The following DNAH11 variants were observed in gnomAD, a reference collection of about 807,000 sequenced individuals.
DNAH11 encodes the protein axonemal beta dynein heavy chain 11.
In DNAH11, 442 loss-of-function variants were observed where a neutral mutation model predicts 526.0. The observed-to-expected ratio is 0.84, with a 90% confidence interval of 0.78 to 0.91. The LOEUF is 0.91. Ranked by LOEUF, DNAH11 falls within the 40% of genes least tolerant of loss-of-function variation. DNAH11 has a pLI of 0.00. For missense variants in DNAH11, 6,989 were observed against 5,448.7 expected, an observed-to-expected ratio of 1.28 and a Z score of -8.90; for synonymous variants, 2,461 against 1,935.9, an observed-to-expected ratio of 1.27 and a Z score of -7.12.
chr7:21,727,212 C>T (rs2906666), intron 45 of DNAH11, among the ~76,000 whole-genome samples: 90,846 of 151,638 alleles, frequency 0.6, 27,326 homozygotes, highest in South Asian at 0.71. Flanking sequence ...GGATTACAGG[C>T]GTGAGCCACC....
chr7:21,623,516 G>T (rs1027592193), intron 25 of DNAH11, among the ~76,000 whole-genome samples: 11 of 152,084 alleles, frequency 7.2e-5, no homozygotes, highest in African/African-American at 2.4e-4. Flanking sequence ...ACATGCACAC[G>T]TATGTTTATT....
intron 45 of DNAH11, among the ~76,000 whole-genome samples, chr7:21,732,532 C>A (rs1785426207): frequency 6.6e-6 from 1 of 152,160 alleles, no homozygotes; most frequent in South Asian, 2.1e-4. Flanking sequence ...ATCTGCAGCA[C>A]CCCTATTCCC....
At chr7:21,775,865 G>A (rs188632318) in intron 56 of DNAH11, among the ~76,000 whole-genome samples, 2 of 152,250 alleles carry the variant, frequency 1.3e-5, no homozygotes, top group African/African-American at 4.8e-5. Flanking sequence ...TGAACCTGTT[G>A]ACTTTGCCCA....
intron 54 of DNAH11, among the ~76,000 whole-genome samples, chr7:21,756,754 A>G (rs1456208484): frequency 2.6e-5 from 4 of 152,102 alleles, no homozygotes; most frequent in Non-Finnish European, 5.9e-5. Context: ...CTGAACTTTA[A>G]AATCACTTTG....
chr7:21,889,207 A>AT (rs1784242673), intron 76 of DNAH11, among the ~76,000 whole-genome samples: 1 of 152,246 alleles, frequency 6.6e-6, no homozygotes, highest in African/African-American at 2.4e-5. Context: ...AGCTTCAGCC[A>AT]TGCTGTAGCA....
At chr7:21,762,709 A>G (rs1340262830) in intron 54 of DNAH11, among the ~76,000 whole-genome samples, 2 of 152,222 alleles carry the variant, frequency 1.3e-5, no homozygotes, top group Non-Finnish European at 2.9e-5. Flanking sequence ...ACCACATGCA[A>G]AAAAATGAAA....
intron 39 of DNAH11, among the ~76,000 whole-genome samples, chr7:21,706,939 T>C (rs1015295572): frequency 2.0e-5 from 3 of 152,202 alleles, no homozygotes; most frequent in African/African-American, 7.2e-5. Context: ...ACCTGTTCTG[T>C]GAGTTCTCAT....
chr7:21,873,466 G>T lies in DNAH11; in HGVS notation c.12160G>T (p.Ala4054Ser). Residue 4054 changes from alanine to serine, a missense_variant, in exon 74 of 82, where the codon GCC (alanine) becomes TCC (serine). Coordinates refer to ENST00000409508, the MANE Select transcript of DNAH11 (RefSeq NM_001277115.2). ...TAATGAACCCCCAACAGGGATGCTG[G>T]CCAATTTGCATGCCGCCCTGTACAA... ...ITNEPPTGML[A>S]NLHAALYNFD... 6.2e-7 allele frequency: 1 copy of T among 1,613,928 alleles called. No homozygotes were observed. Among genetic ancestry groups the T allele is most frequent in the South Asian group, 1.1e-5 (1 of 91,062 alleles).
chr7:21,555,931 C>T (rs1281517832), intron 2 of DNAH11, among the ~76,000 whole-genome samples: 2 of 152,184 alleles, frequency 1.3e-5, no homozygotes, highest in Admixed American at 6.5e-5. Flanking sequence ...AAAGAATGGA[C>T]TTGGAGACAT....
chr7:21,734,484 A>C (rs1482726564), intron 45 of DNAH11, among the ~76,000 whole-genome samples: 1 of 152,228 alleles, frequency 6.6e-6, no homozygotes, highest in Non-Finnish European at 1.5e-5. Flanking sequence ...GTCTTTTAGT[A>C]AGCCCTGAGT....
At chr7:21,749,163 A>G (rs1206351546) in intron 52 of DNAH11, among the ~76,000 whole-genome samples, 1 of 152,248 alleles carries the variant, frequency 6.6e-6, no homozygotes, top group Non-Finnish European at 1.5e-5. Context: ...TGCAAGAGGA[A>G]TAACACGTTT....
chr7:21,786,412 G>C (rs912935986), intron 58 of DNAH11, among the ~76,000 whole-genome samples: 12 of 152,066 alleles, frequency 7.9e-5, no homozygotes, highest in African/African-American at 2.9e-4. Context: ...AAAGGGCAGT[G>C]ATGTCTCCAG....
chr7:21,737,476 A>C (rs369534428), intron 46 of DNAH11, among the ~76,000 whole-genome samples: 1 of 152,322 alleles, frequency 6.6e-6, no homozygotes. Context: ...TTGATGGAAA[A>C]TGGTGAACCA....
In DNAH11 at chr7:21,581,952, T is replaced by A; in HGVS notation, c.1641T>A (p.Phe547Leu). The part of the protein sequence containing the change: ...YVAFKSKTLE[F>L]DRRLGTIICE... ...CATTTAAGTCCAAAACTCTGGAATTTGACAGAAGGCTTGGGACAATTATTT... is the reference window on the plus strand; with the variant it reads ...CATTTAAGTCCAAAACTCTGGAATTAGACAGAAGGCTTGGGACAATTATTT... Residue 547 changes from phenylalanine (F) to leucine (L), a missense_variant, in exon 9 of 82, where the codon TTT becomes TTA. By Grantham distance (22) the Phe-to-Leu change is conservative. Coordinates refer to ENST00000409508, the MANE Select transcript of DNAH11 (RefSeq NM_001277115.2). The A allele has an allele frequency of 6.2e-7, 1 of 1,613,250 alleles. No homozygotes were observed. The highest frequency in any genetic ancestry group is 1.3e-5 in the African/African-American group (1 of 75,034).
At chr7:21,797,408 G>A (rs145191176) in intron 61 of DNAH11, among the ~76,000 whole-genome samples, 2,005 of 151,500 alleles carry the variant, frequency 0.013, 51 homozygotes, top group African/African-American at 0.046. Context: ...TAGTAGAGAC[G>A]GGGTTTCTCT....
intron 1 of DNAH11, among the ~76,000 whole-genome samples, chr7:21,544,203 C>A (rs1380812232): frequency 6.6e-6 from 1 of 152,182 alleles, no homozygotes; most frequent in Non-Finnish European, 1.5e-5. Flanking sequence ...TAACGTATCA[C>A]CTAACGTACA....
In DNAH11 at chr7:21,899,394, C is replaced by A. The variant is rs746738432; in HGVS notation, c.13108C>A (p.Leu4370Ile). The A allele has an allele frequency of 4.3e-6, 7 of 1,614,016 alleles. No individual in the cohort carries two copies. Among genetic ancestry groups the A allele is most frequent in the Non-Finnish European group, 5.9e-6 (7 of 1,179,870 alleles). ...ELDTWTQDLT[L>I]PAVVWLSGFF... is the part of the protein sequence containing the mutation. Reference sequence around the variant, plus strand: ...CGATACTTGGACACAAGACCTTACCCTTCCGGCTGTCGTGTGGCTCTCCGG... The same window carrying A: ...CGATACTTGGACACAAGACCTTACCATTCCGGCTGTCGTGTGGCTCTCCGG... Residue 4370 changes from leucine (L) to isoleucine (I), a missense_variant, in exon 80 of 82, where the codon CTT becomes ATT. Leu to Ile is a conservative substitution (Grantham distance 5, BLOSUM62 2). Coordinates refer to ENST00000409508, the MANE Select transcript of DNAH11 (RefSeq NM_001277115.2).
chr7:21,824,393 A>G (rs1790185925), intron 65 of DNAH11, among the ~76,000 whole-genome samples: 1 of 152,168 alleles, frequency 6.6e-6, no homozygotes, highest in African/African-American at 2.4e-5. Context: ...ATAAAGTCTA[A>G]CAGACAGGAC....
intron 74 of DNAH11, 72 bp from the exon 75 acceptor site, chr7:21,880,630 T>C (rs1467742023): frequency 6.5e-7 from 1 of 1,532,384 alleles, no homozygotes; most frequent in Non-Finnish European, 8.9e-7. Flanking sequence ...TACAAGATTA[T>C]TGAAAACGCA....
Sources: gnomAD v4.1 joint callset for allele counts (sites outside exome capture counted in the v4.1 genomes callset) on GRCh38, gnomAD v4.1.1 for gene constraint, MANE v1.5 for transcripts, NCBI Gene and HGNC (gene_info 2026-07-23, HGNC 2026-07-21) for gene names.